MYO15B: variants seen among roughly 807,000 people sequenced by gnomAD.
The protein encoded by MYO15B is myosin XVB, also known as myosin XVB pseudogene.
A neutral mutation model predicts 119.3 loss-of-function variants in MYO15B; 207 were observed. The ratio of observed to expected loss-of-function variants is 1.73; its 90% CI spans 1.55 to 1.95. The LOEUF is 1.95. MYO15B is among the 30% of genes most tolerant of loss of function. The pLI is 0.00. For missense variants in MYO15B, 2,264 were observed against 1,203.1 expected (o/e 1.88, Z -13.04); for synonymous variants, 966 against 498.9 (o/e 1.94, Z -12.48).
At chr17:75,615,194 C>A in intron 33 of MYO15B, 46 bp from the exon 34 acceptor site, 1 of 690,694 alleles carries the variant, frequency 1.4e-6, no homozygotes, top group Non-Finnish European at 2.7e-6. Flanking sequence ...AGGGAGGTGG[C>A]ATGTGGGCCC....
intron 14 of MYO15B, among the ~76,000 whole-genome samples, chr17:75,600,893 G>A (rs553106572): frequency 1.5e-5 from 2 of 133,816 alleles, no homozygotes; most frequent in South Asian, 4.8e-4. Context: ...GCCCCACCCA[G>A]CTAATTTTTA....
At chr17:75,594,795 C>G (rs377015919) in intron 11 of MYO15B, 36 bp downstream of exon 11, 2 of 702,866 alleles carry the variant, frequency 2.8e-6, no homozygotes, top group Non-Finnish European at 5.2e-6. Flanking sequence ...AGAGCAGGGC[C>G]CGAGGCACGG....
At position 75,624,598 on chromosome 17, in the gene MYO15B, AG is replaced by A. The variant is rs778869644; in HGVS notation, c.8503del (p.Glu2835LysfsTer30). ...CGGCAAATGGGTATCACGGAGCCTC[AG>A]GAAGTGCAGGAATTCGCCCTCTTCC... On this transcript the variant is annotated frameshift_variant, in exon 58 of 64. Transcript: ENST00000645453. LOFTEE classifies it high-confidence loss of function. 4.3e-6 allele frequency: 3 copies of A among 702,858 alleles called. No homozygotes were observed. The highest frequency in any genetic ancestry group is 1.7e-5 in the African/African-American group (1 of 57,224). The allele number at this position is 702,858 out of a possible 1,614,324, so 43.5% of individuals were successfully genotyped here.
At chr17:75,624,221 T>C (rs1568233646) in exon 56 of MYO15B, 2 of 702,832 alleles carry the variant, frequency 2.8e-6, no homozygotes, top group East Asian at 2.7e-5. Flanking sequence ...CAGTCAAATA[T>C]GGGGGGCGCC....
Position 75,611,590 on chromosome 17 carries a change from C to G in MYO15B, c.4447-11C>G. ...CCTGTGGATCCTGGGTAAATGAGTC[C>G]CCTCTGCCAGGAGCTGGGGCGCTTG... On this transcript the variant is annotated splice_polypyrimidine_tract_variant and intron_variant, in intron 23 of 63. Coordinates refer to ENST00000645453, the Ensembl canonical transcript of MYO15B. 1 of 702,694 alleles carries G rather than the reference C, an allele frequency of 1.4e-6. No homozygotes were observed. 43.5% of individuals were successfully genotyped at this position (702,694 alleles called of 1,614,324 possible).
At chr17:75,617,532 G>C (rs1265345493) in intron 41 of MYO15B, 3 of 539,246 alleles carry the variant, frequency 5.6e-6, no homozygotes, top group Admixed American at 7.0e-5. Flanking sequence ...GTCACACACA[G>C]GGTGTTGTCC....
intron 58 of MYO15B, 63 bp downstream of exon 58, chr17:75,624,702 G>A (rs956176796): frequency 2.0e-5 from 14 of 702,730 alleles, no homozygotes; most frequent in African/African-American, 1.9e-4. Flanking sequence ...AGGTGGTTTG[G>A]TTTCTGCTGG....
chr17:75,595,337 G>T (rs2056787686), intron 12 of MYO15B, among the ~76,000 whole-genome samples: 4 of 152,138 alleles, frequency 2.6e-5, no homozygotes, highest in Admixed American at 6.5e-5. Flanking sequence ...GGCAGCCTGG[G>T]CCGGGAGTGC....
Position 75,601,282 on chromosome 17 carries a change from G to A in MYO15B, c.3526-156G>A, listed in dbSNP as rs193101670. On this transcript the variant is annotated intron_variant, in intron 14 of 63. Transcript: ENST00000645453. ...TCGAACTCCTATCCTCAAACGATCC[G>A]ACCACCTCGGCCTCCCAAAGCGCTT... 7.6e-4 allele frequency among the ~76,000 whole-genome samples: 116 copies of A among 152,190 alleles called. 1 individual carries two copies. The highest frequency in any genetic ancestry group is 2.6e-3 in the African/African-American group (110 of 41,534).
intron 21 of MYO15B, among the ~76,000 whole-genome samples, chr17:75,609,282 C>T (rs989943960): frequency 6.6e-6 from 1 of 151,698 alleles, no homozygotes; most frequent in African/African-American, 2.4e-5. Context: ...GTCATAGCTC[C>T]TACCTCAGCC....
At chr17:75,602,686 G>A in intron 16 of MYO15B, 92 bp downstream of exon 16, 1 of 609,400 alleles carries the variant, frequency 1.6e-6, no homozygotes, top group East Asian at 2.7e-5. Context: ...CCAAGGGTTG[G>A]CCCTCAAGTC....
At chr17:75,597,652 C>G (rs2147793254) in intron 14 of MYO15B, among the ~76,000 whole-genome samples, 1 of 152,348 alleles carries the variant, frequency 6.6e-6, no homozygotes, top group African/African-American at 2.4e-5. Context: ...TGGCCAAGCT[C>G]AGTGGCTCAC....
exon 28 of MYO15B, chr17:75,613,420 C>T (rs2058153394): frequency 2.9e-6 from 2 of 679,068 alleles, no homozygotes; most frequent in African/African-American, 1.8e-5. Context: ...GCTGGAGTGG[C>T]TGGCCGGATG....
At chr17:75,626,743 C>A (rs2059089922) in exon 64 of MYO15B, 1 of 561,578 alleles carries the variant, frequency 1.8e-6, no homozygotes, top group African/African-American at 1.9e-5. Context: ...GTTGCCCAGT[C>A]TGAGGGAGAT....
At chr17:75,622,864 T>C (rs1463448500) in intron 53 of MYO15B, among the ~76,000 whole-genome samples, 1 of 152,082 alleles carries the variant, frequency 6.6e-6, no homozygotes, top group Non-Finnish European at 1.5e-5. Context: ...ATCCCAGACT[T>C]CCCAGTGGAG....
At chr17:75,601,923 C>T (rs1454012325) in intron 15 of MYO15B, among the ~76,000 whole-genome samples, 5 of 152,314 alleles carry the variant, frequency 3.3e-5, no homozygotes, top group Admixed American at 6.5e-5. Flanking sequence ...GATGTAGTAA[C>T]GTGGAGATGG....
At chr17:75,614,385 C>A (rs1169149005) in intron 30 of MYO15B, 25 bp downstream of exon 30, 1 of 698,838 alleles carries the variant, frequency 1.4e-6, no homozygotes, top group Admixed American at 2.0e-5. Context: ...GCACCCCTCT[C>A]CCTGGCCTGC....
intron 15 of MYO15B, 199 bp from the exon 16 acceptor site, chr17:75,602,318 G>C (rs1412551611): frequency 1.4e-6 from 1 of 693,210 alleles, no homozygotes; most frequent in Non-Finnish European, 2.6e-6. Flanking sequence ...TCTTGCTGGG[G>C]ACTGGACCTG....
intron 14 of MYO15B, among the ~76,000 whole-genome samples, chr17:75,598,946 T>C (rs2057063071): frequency 6.6e-6 from 1 of 152,222 alleles, no homozygotes; most frequent in Non-Finnish European, 1.5e-5. Flanking sequence ...CCTGGAATTG[T>C]TACCCCAAAC....
Sources: allele counts gnomAD v4.1 joint callset (sites outside exome capture counted in the v4.1 genomes callset), GRCh38; gene constraint gnomAD v4.1.1; transcripts MANE v1.5; gene names NCBI Gene and HGNC (gene_info 2026-07-23, HGNC 2026-07-21).